Variants in NRXN1 observed in about 807,000 individuals in gnomAD.
NRXN1 encodes the protein neurexin-1.
A neutral mutation model predicts 150.9 loss-of-function variants in NRXN1; 39 were observed. The ratio of observed to expected loss-of-function variants is 0.26; its 90% CI spans 0.20 to 0.34. The LOEUF (loss-of-function observed/expected upper bound fraction) is 0.34, where lower values mean the gene tolerates loss of function less well. NRXN1 is among the 10% of genes least tolerant of loss of function. The probability of loss-of-function intolerance (pLI) is 1.00; values close to 1 mark genes in which losing one functional copy is unlikely to be tolerated. For missense variants in NRXN1, 1,815 were observed against 1,949.9 expected (o/e 0.93, Z 1.30); for synonymous variants, 924 against 757.0 (o/e 1.22, Z -3.62).
At chr2:50,267,449 T>C (rs2069030673) in intron 17 of NRXN1, among the ~76,000 whole-genome samples, 1 of 152,196 alleles carries the variant, frequency 6.6e-6, no homozygotes, top group Non-Finnish European at 1.5e-5. Flanking sequence ...AATGCCACAA[T>C]TGAAAATTGA....
At chr2:50,015,597 C>T (rs1686457940) in intron 21 of NRXN1, among the ~76,000 whole-genome samples, 1 of 149,634 alleles carries the variant, frequency 6.7e-6, no homozygotes, top group East Asian at 2.0e-4. Flanking sequence ...CCTCTGTTTA[C>T]CCTTCTGTAT....
At chr2:51,026,595 AT>A (rs1424849870) in intron 2 of NRXN1, 2 of 662,998 alleles carry the variant, frequency 3.0e-6, no homozygotes, top group Non-Finnish European at 5.3e-6. Flanking sequence ...TTAGCCGAAT[AT>A]CCTTAGAAAA....
intron 2 of NRXN1, among the ~76,000 whole-genome samples, chr2:51,009,079 A>G (rs886967983): frequency 8.6e-5 from 13 of 151,924 alleles, no homozygotes; most frequent in Admixed American, 6.6e-4. Context: ...GGCATATAAC[A>G]TGGATAGTCT....
chr2:50,436,324 A>T (rs1334444615), intron 17 of NRXN1, among the ~76,000 whole-genome samples: 1 of 152,098 alleles, frequency 6.6e-6, no homozygotes, highest in Non-Finnish European at 1.5e-5. Context: ...GTGGTGGCAC[A>T]TGCCTGTAAT....
At chr2:50,786,237 CT>C (rs1705094656) in intron 5 of NRXN1, among the ~76,000 whole-genome samples, 2 of 152,114 alleles carry the variant, frequency 1.3e-5, no homozygotes, top group South Asian at 4.1e-4. Context: ...TGAGGGCCAT[CT>C]ATGTACGACA....
intron 21 of NRXN1, among the ~76,000 whole-genome samples, chr2:49,978,235 C>T (rs1194757720): frequency 6.6e-6 from 1 of 152,086 alleles, no homozygotes; most frequent in South Asian, 2.1e-4. Context: ...GGAGAGGAAA[C>T]TTCTGTAACT....
intron 19 of NRXN1, among the ~76,000 whole-genome samples, chr2:50,057,999 G>A (rs1054356259): frequency 2.6e-5 from 4 of 152,048 alleles, no homozygotes; most frequent in Admixed American, 1.3e-4. Flanking sequence ...AAACAAGACA[G>A]GTAGAGAAAA....
chr2:50,271,652 G>C (rs1159739836), intron 17 of NRXN1, among the ~76,000 whole-genome samples: 1 of 151,996 alleles, frequency 6.6e-6, no homozygotes, highest in Non-Finnish European at 1.5e-5. Context: ...GTACATTTAT[G>C]GGCACACAGG....
At chr2:50,492,330 G>A (rs1442774718) in intron 15 of NRXN1, among the ~76,000 whole-genome samples, 7 of 152,088 alleles carry the variant, frequency 4.6e-5, no homozygotes, top group African/African-American at 9.7e-5. Flanking sequence ...AGAATCGAGC[G>A]GTGTCATGAG....
intron 17 of NRXN1, among the ~76,000 whole-genome samples, chr2:50,312,452 CTT>C (rs938798961): frequency 5.3e-5 from 8 of 151,246 alleles, no homozygotes; most frequent in Admixed American, 1.3e-4. Context: ...TCTTGGGAAA[CTT>C]TGCAGTTTTT....
In NRXN1 at chr2:50,472,469, C is replaced by T. The variant is rs373763943; in HGVS notation, c.3073G>A (p.Asp1025Asn). ...TTAGCTACTCCTCCTATATATAAGT[C>T]ACCTGCAAGAAGATCAAAGTCTTTG... ...AGARNLDLKS[D>N]LYIGGVAKET... is the part of the protein sequence containing the mutation. The change falls in exon 16 of 23, where the codon GAC becomes AAC. Residue 1025 changes from aspartate to asparagine, a missense_variant and splice_region_variant. Coordinates refer to ENST00000401669, the MANE Select transcript of NRXN1 (RefSeq NM_001330078.2). 6.2e-7 allele frequency: 1 copy of T among 1,608,738 alleles called. No individual in the cohort carries two copies. Among genetic ancestry groups the T allele is most frequent in the Non-Finnish European group, 8.5e-7 (1 of 1,176,766 alleles).
chr2:49,929,582 A>G (rs1669758524), intron 22 of NRXN1, among the ~76,000 whole-genome samples: 1 of 152,190 alleles, frequency 6.6e-6, no homozygotes. Context: ...AGTTAGAGCC[A>G]TAATATTATT....
chr2:50,645,242 T>C (rs1449639389), intron 5 of NRXN1, among the ~76,000 whole-genome samples: 2 of 151,880 alleles, frequency 1.3e-5, no homozygotes, highest in African/African-American at 2.4e-5. Flanking sequence ...AATTCATATA[T>C]ATTCAAAATG....
intron 21 of NRXN1, among the ~76,000 whole-genome samples, chr2:49,986,142 A>C (rs1280492463): frequency 6.6e-6 from 1 of 152,218 alleles, no homozygotes; most frequent in African/African-American, 2.4e-5. Context: ...CCAGAAACTC[A>C]GATGCCACAG....
intron 19 of NRXN1, among the ~76,000 whole-genome samples, chr2:50,056,239 C>T (rs969202342): frequency 2.6e-5 from 4 of 151,936 alleles, no homozygotes; most frequent in Non-Finnish European, 4.4e-5. Flanking sequence ...ACATTTTATT[C>T]CTCTGATTTA....
rs201700032 is a variant in NRXN1, at chr2:50,224,693, AAGAGAGAGAGAGAG to A, written c.3546+12082_3546+12095del. Among the ~76,000 whole-genome samples the A allele has an allele frequency of 3.5e-3, 459 of 130,430 alleles. 3 individuals are homozygous for A. Among genetic ancestry groups the A allele is most frequent in the Middle Eastern group, 4.0e-3 (1 of 250 alleles). The allele number at this position is 130,430 out of a possible 152,430, so 85.6% of individuals were successfully genotyped here. A position where few individuals can be genotyped will look rare whatever the true frequency, so the allele number is the denominator to read the frequency against. ...GATTAAAGAGAGAGAGAGAGGGAGA[AAGAGAGAGAGAGAG>A]AGAGAGAGAGAGAGAGAGAGAGAGA... is the stretch of plus-strand genomic sequence containing the variant. On this transcript the variant is annotated intron_variant, in intron 18 of 22. Coordinates refer to ENST00000401669, the MANE Select transcript of NRXN1 (RefSeq NM_001330078.2).
chr2:50,091,191 G>A, intron 19 of NRXN1, 132 bp downstream of exon 19: 1 of 1,005,742 alleles, frequency 9.9e-7, no homozygotes, highest in South Asian at 1.4e-5. Context: ...ACATTCACAT[G>A]ACTCTAAAGT....
intron 17 of NRXN1, among the ~76,000 whole-genome samples, chr2:50,269,439 C>T (rs1255461379): frequency 6.6e-6 from 1 of 152,206 alleles, no homozygotes. Context: ...ATTACGTCTA[C>T]GTATTTACAC....
chr2:50,884,563 G>C (rs1238183871), intron 5 of NRXN1, among the ~76,000 whole-genome samples: 2 of 151,584 alleles, frequency 1.3e-5, no homozygotes, highest in African/African-American at 4.8e-5. Context: ...TTCATGTTTT[G>C]CGGCCCCAGT....
Sources: gnomAD v4.1 joint callset for allele counts (sites outside exome capture counted in the v4.1 genomes callset) on GRCh38, gnomAD v4.1.1 for gene constraint, MANE v1.5 for transcripts, NCBI Gene and HGNC (gene_info 2026-07-23, HGNC 2026-07-21) for gene names.